SGCZ: variants seen among roughly 807,000 people sequenced by gnomAD.
SGCZ encodes sarcoglycan zeta.
Under a neutral mutation model 41.3 loss-of-function variants are expected in SGCZ, and 40 were observed. The observed-to-expected ratio is 0.97, with a 90% CI of 0.75 to 1.26. SGCZ has a LOEUF of 1.26. SGCZ is among the 50% of genes most tolerant of loss of function. The pLI, the probability that SGCZ is intolerant of heterozygous loss-of-function variation, is 0.00. For missense variants in SGCZ, 552 were observed against 369.8 expected (o/e 1.49, Z -4.04); for synonymous variants, 206 against 137.5 (o/e 1.50, Z -3.49).
intron 3 of SGCZ, among the ~76,000 whole-genome samples, chr8:14,264,878 G>C (rs990899791): frequency 4.1e-4 from 63 of 152,250 alleles, no homozygotes; most frequent in African/African-American, 1.5e-3. Context: ...CAGGAGAATG[G>C]CGTGAACCCG....
chr8:14,499,412 CT>C (rs1189713831), intron 2 of SGCZ, among the ~76,000 whole-genome samples: 1 of 151,902 alleles, frequency 6.6e-6, no homozygotes, highest in African/African-American at 2.4e-5. Context: ...CTTTCTTCAT[CT>C]TTTTGGTTTT....
intron 5 of SGCZ, among the ~76,000 whole-genome samples, chr8:14,144,348 A>G (rs56017210): frequency 0.12 from 18,190 of 152,116 alleles, 1,255 homozygotes; most frequent in Middle Eastern, 0.21. Flanking sequence ...CTAGCTCCAA[A>G]ATGACATTTC....
At chr8:15,192,061 G>C (rs1017986104) in intron 1 of SGCZ, among the ~76,000 whole-genome samples, 7 of 152,134 alleles carry the variant, frequency 4.6e-5, no homozygotes, top group African/African-American at 1.7e-4. Flanking sequence ...CATAATTAGA[G>C]CTACTATTAT....
chr8:14,233,859 C>T lies in SGCZ; in HGVS notation c.424+3733G>A, dbSNP rs369995729. ...TGACCTGGAGAATGGTTCTGAGACT[C>T]GTTTAAGAAAGTTCTTGCTTTTTCT... On this transcript the variant is annotated intron_variant, in intron 4 of 7. Transcript: ENST00000382080. 6.8e-4 allele frequency among the ~76,000 whole-genome samples: 104 copies of T among 151,894 alleles called. 1 individual carries two copies. The highest frequency in any genetic ancestry group is 1.3e-3 in the Non-Finnish European group (88 of 67,818).
rs1257785502 is a variant in SGCZ, at chr8:14,308,539, G to C, written c.336+15564C>G. Reference sequence around the variant, plus strand: ...CAAACTCGTGCCATTAGAGAAGAAAGACCCCCTTGCCCCTGGCCTTTATAC... The same window carrying C: ...CAAACTCGTGCCATTAGAGAAGAAACACCCCCTTGCCCCTGGCCTTTATAC... On this transcript the variant is annotated intron_variant, in intron 3 of 7. Transcript: ENST00000382080. 2.6e-5 allele frequency among the ~76,000 whole-genome samples: 4 copies of C among 151,786 alleles called. 1 individual carries two copies. The highest frequency in any genetic ancestry group is 2.6e-4 in the Admixed American group (4 of 15,200).
chr8:14,630,279 G>C (rs569346128), intron 1 of SGCZ, among the ~76,000 whole-genome samples: 3 of 151,190 alleles, frequency 2.0e-5, no homozygotes, highest in African/African-American at 7.3e-5. Context: ...ATCTGCTTAT[G>C]TCTGCTCTGT....
chr8:14,920,371 T>G (rs747887546), intron 1 of SGCZ, among the ~76,000 whole-genome samples: 5 of 152,206 alleles, frequency 3.3e-5, no homozygotes, highest in Admixed American at 6.5e-5. Context: ...CAAAGAAAGC[T>G]AGACAACCTG....
intron 1 of SGCZ, among the ~76,000 whole-genome samples, chr8:15,199,037 T>G (rs532481030): frequency 9.9e-4 from 151 of 152,312 alleles, no homozygotes; most frequent in African/African-American, 3.6e-3. Context: ...ATACAGTGAT[T>G]CGTTTAAAAC....
At chr8:15,085,593 T>C (rs1339276954) in intron 1 of SGCZ, among the ~76,000 whole-genome samples, 2 of 152,202 alleles carry the variant, frequency 1.3e-5, no homozygotes, top group African/African-American at 4.8e-5. Context: ...AGCTTGGCCA[T>C]GGCAAGGAAA....
intron 1 of SGCZ, among the ~76,000 whole-genome samples, chr8:15,107,313 C>T (rs1806868061): frequency 6.6e-6 from 1 of 152,110 alleles, no homozygotes; most frequent in African/African-American, 2.4e-5. Context: ...ACTTATGTTG[C>T]AATATAATCC....
chr8:14,577,550 G>A (rs1196672817), intron 1 of SGCZ, among the ~76,000 whole-genome samples: 1 of 151,926 alleles, frequency 6.6e-6, no homozygotes, highest in African/African-American at 2.4e-5. Flanking sequence ...AACATGCCTG[G>A]CTAACTTTTG....
intron 1 of SGCZ, among the ~76,000 whole-genome samples, chr8:14,607,979 T>C (rs1805806848): frequency 1.3e-5 from 2 of 152,210 alleles, no homozygotes; most frequent in African/African-American, 4.8e-5. Context: ...ATTTGAAAGT[T>C]TCTAATGAAT....
chr8:14,980,213 G>C (rs190786364), intron 1 of SGCZ, among the ~76,000 whole-genome samples: 26 of 152,176 alleles, frequency 1.7e-4, no homozygotes, highest in Admixed American at 8.5e-4. Flanking sequence ...AAATGTTTTG[G>C]CCTGACTGTG....
chr8:15,021,082 G>T (rs1309703192), intron 1 of SGCZ, among the ~76,000 whole-genome samples: 1 of 152,114 alleles, frequency 6.6e-6, no homozygotes, highest in Non-Finnish European at 1.5e-5. Flanking sequence ...GGATATAAAT[G>T]AAAGAATTAA....
At chr8:15,040,550 G>A (rs1214993279) in intron 1 of SGCZ, among the ~76,000 whole-genome samples, 1 of 152,128 alleles carries the variant, frequency 6.6e-6, no homozygotes, top group Non-Finnish European at 1.5e-5. Flanking sequence ...CCGGGAGGCG[G>A]AGGTTGGTTG....
intron 1 of SGCZ, among the ~76,000 whole-genome samples, chr8:15,001,200 C>G (rs1413630438): frequency 6.6e-6 from 1 of 151,784 alleles, no homozygotes; most frequent in African/African-American, 2.4e-5. Context: ...GCAATTTTGA[C>G]GAGAGAGAGA....
chr8:14,335,803 A>G (rs990992887), intron 2 of SGCZ, among the ~76,000 whole-genome samples: 2 of 152,044 alleles, frequency 1.3e-5, no homozygotes, highest in African/African-American at 4.8e-5. Context: ...GCCAGTCTCT[A>G]TTTGTTTGTG....
chr8:14,491,829 T>C lies in SGCZ; in HGVS notation c.234+62903A>G, dbSNP rs188649092. 2.9e-4 allele frequency among the ~76,000 whole-genome samples: 42 copies of C among 142,964 alleles called. No individual in the cohort carries two copies. In the East Asian group the frequency reaches 8.2e-3, roughly 28 times the overall value. 93.8% of individuals were successfully genotyped at this position (142,964 alleles called of 152,430 possible). ...AGAATATATTTGAATGAATCATGTA[T>C]TACAACTGATTTAAATTTTGACCCA... On this transcript the variant is annotated intron_variant, in intron 2 of 7. Transcript: ENST00000382080.
chr8:14,778,980 G>A (rs528114487), intron 1 of SGCZ, among the ~76,000 whole-genome samples: 1 of 152,270 alleles, frequency 6.6e-6, no homozygotes, highest in African/African-American at 2.4e-5. Context: ...ATATGTGCAA[G>A]AGTGATTCTT....
Sources: gnomAD v4.1 joint callset for allele counts (sites outside exome capture counted in the v4.1 genomes callset) on GRCh38, gnomAD v4.1.1 for gene constraint, MANE v1.5 for transcripts, NCBI Gene and HGNC (gene_info 2026-07-23, HGNC 2026-07-21) for gene names.